RSU1: variants seen among roughly 807,000 people sequenced by gnomAD.
RSU1 encodes Ras suppressor protein 1, also known as rsu-1.
RSU1 carries 26 observed loss-of-function variants against 31.1 expected under a neutral mutation model. The ratio of observed to expected loss-of-function variants is 0.84; its 90% CI spans 0.61 to 1.16. The LOEUF is 1.16. Ranked by LOEUF, RSU1 falls within the 50% of genes most tolerant of loss-of-function variation. The pLI is 0.00. For missense variants in RSU1, 320 were observed against 339.1 expected (o/e 0.94, Z 0.44); for synonymous variants, 164 against 136.3 (o/e 1.20, Z -1.41).
At chr10:16,757,699 G>A (rs1211083588) in intron 4 of RSU1, among the ~76,000 whole-genome samples, 1 of 152,228 alleles carries the variant, frequency 6.6e-6, no homozygotes, top group Admixed American at 6.5e-5. Flanking sequence ...CATGTGTCTG[G>A]AAACACCCCA....
chr10:16,661,298 G>GCA (rs1834886110), intron 8 of RSU1, among the ~76,000 whole-genome samples: 4 of 137,354 alleles, frequency 2.9e-5, no homozygotes, highest in African/African-American at 1.4e-4. Flanking sequence ...GTGTGTGTGT[G>GCA]TGTGTGTGTG....
intron 7 of RSU1, among the ~76,000 whole-genome samples, chr10:16,707,006 C>T (rs1835919277): frequency 6.7e-6 from 1 of 150,000 alleles, no homozygotes; most frequent in African/African-American, 2.5e-5. Flanking sequence ...TGTTATGTGT[C>T]TTTCTGTGTC....
chr10:16,727,252 C>G (rs2131596564), intron 7 of RSU1: 2 of 419,192 alleles, frequency 4.8e-6, no homozygotes, highest in South Asian at 3.4e-5. Context: ...TATAATTTCA[C>G]AGAGGAGATA....
intron 7 of RSU1, among the ~76,000 whole-genome samples, chr10:16,713,732 G>A (rs749238867): frequency 1.1e-4 from 17 of 152,114 alleles, no homozygotes; most frequent in Non-Finnish European, 2.1e-4. Context: ...TCCTTTGCAG[G>A]TATCACATTT....
chr10:16,646,559 C>T (rs945195307), intron 8 of RSU1, among the ~76,000 whole-genome samples: 9 of 152,176 alleles, frequency 5.9e-5, no homozygotes, highest in East Asian at 5.8e-4. Flanking sequence ...CGTAGCTCCC[C>T]GAACACTTTA....
intron 7 of RSU1, among the ~76,000 whole-genome samples, chr10:16,699,585 G>A (rs1012740461): frequency 1.3e-5 from 2 of 152,224 alleles, no homozygotes; most frequent in African/African-American, 2.4e-5. Context: ...GTTGAGTTAG[G>A]AGCCCTCACC....
chr10:16,614,077 G>A (rs1833936704), intron 8 of RSU1, among the ~76,000 whole-genome samples: 3 of 152,142 alleles, frequency 2.0e-5, no homozygotes, highest in Admixed American at 2.0e-4. Flanking sequence ...GTGCTGAGAT[G>A]AGCTATATAA....
chr10:16,773,177 C>G (rs1449491276), intron 3 of RSU1, among the ~76,000 whole-genome samples: 1 of 148,204 alleles, frequency 6.7e-6, no homozygotes, highest in Non-Finnish European at 1.5e-5. Flanking sequence ...CCAACCTGGG[C>G]AACAACTTGA....
chr10:16,594,804 A>AGAT (rs1833584319), intron 8 of RSU1, among the ~76,000 whole-genome samples: 2 of 133,054 alleles, frequency 1.5e-5, no homozygotes, highest in South Asian at 4.6e-4. Flanking sequence ...TTTTTTTTTG[A>AGAT]GATGGAGTCC....
intron 3 of RSU1, among the ~76,000 whole-genome samples, chr10:16,779,106 A>G (rs1157571919): frequency 6.6e-6 from 1 of 152,204 alleles, no homozygotes; most frequent in African/African-American, 2.4e-5. Flanking sequence ...CACATCATGC[A>G]TATATACATA....
At chr10:16,801,341 C>G (rs373599472) in intron 2 of RSU1, among the ~76,000 whole-genome samples, 3 of 152,124 alleles carry the variant, frequency 2.0e-5, no homozygotes, top group East Asian at 1.9e-4. Flanking sequence ...AAGAAAGACA[C>G]AGCAATCCTT....
rs56715139 is a variant in RSU1, at chr10:16,695,157, TGGG to T, written c.599-5_599-3del. On this transcript the variant is annotated splice_polypyrimidine_tract_variant and splice_region_variant and intron_variant, in intron 7 of 8. Transcript: ENST00000345264. ...TCTGGCCAGTTAAATCCAAGTTTCCTGGGGGGGGGGAAAAAAAAAGTGAAGGTC... is the reference window on the plus strand; with the variant it reads ...TCTGGCCAGTTAAATCCAAGTTTCCTGGGGGGGAAAAAAAAAGTGAAGGTC... 12 of 1,204,618 alleles carry T rather than the reference TGGG, an allele frequency of 1.0e-5. No individual in the cohort carries two copies. Among genetic ancestry groups the T allele is most frequent in the African/African-American group, 8.3e-5 (5 of 60,200 alleles). The allele number at this position is 1,204,618 out of a possible 1,614,324, so 74.6% of individuals were successfully genotyped here.
chr10:16,701,818 G>A (rs772219682), intron 7 of RSU1, among the ~76,000 whole-genome samples: 1 of 152,168 alleles, frequency 6.6e-6, no homozygotes, highest in African/African-American at 2.4e-5. Flanking sequence ...TCCAGGTTAA[G>A]AAGGGATAGA....
In RSU1 at chr10:16,591,991, C is replaced by A. The variant is rs1833513673; in HGVS notation, c.*1403G>T. The A allele has an allele frequency of 6.6e-6, 1 of 152,364 alleles. No homozygotes were observed. The highest frequency in any genetic ancestry group is 1.9e-4 in the East Asian group (1 of 5,192). The allele number at this position is 152,364 out of a possible 1,614,324, so 9.4% of individuals were successfully genotyped here. On this transcript the variant is annotated 3_prime_UTR_variant, in exon 9 of 9. Coordinates refer to ENST00000345264, the MANE Select transcript of RSU1 (RefSeq NM_012425.4). ...TTTGTCTAGAAGCCAGAAGTTTAGACCTTGCTCTGTGGCCTCTCTGATTGA... is the reference window on the plus strand; with the variant it reads ...TTTGTCTAGAAGCCAGAAGTTTAGAACTTGCTCTGTGGCCTCTCTGATTGA...
intron 7 of RSU1, among the ~76,000 whole-genome samples, chr10:16,702,507 C>T (rs1319328134): frequency 1.3e-5 from 2 of 152,122 alleles, no homozygotes; most frequent in Non-Finnish European, 2.9e-5. Flanking sequence ...AATTAGAGTG[C>T]CCTAAATGTG....
In RSU1 at chr10:16,726,267, C is replaced by CTT. The variant is rs760586484; in HGVS notation, c.598+26270_598+26271dup. 8.1e-3 allele frequency among the ~76,000 whole-genome samples: 1,113 copies of CTT among 137,032 alleles called. 59 individuals carry two copies. The highest frequency in any genetic ancestry group is 0.031 in the African/African-American group (1,045 of 33,756). 89.9% of individuals were successfully genotyped at this position (137,032 alleles called of 152,430 possible). A position where few individuals can be genotyped will look rare whatever the true frequency, so the allele number is the denominator to read the frequency against. Reference sequence around the variant, plus strand: ...CTTTCTGTCTATCTTAGGAACGTATCTTTTTTTTTTTTTTTTTTTGAGACA... The same window carrying CTT: ...CTTTCTGTCTATCTTAGGAACGTATCTTTTTTTTTTTTTTTTTTTTTGAGACA... On this transcript the variant is annotated intron_variant, in intron 7 of 8. Transcript: ENST00000345264.
chr10:16,710,773 C>T (rs910458682), intron 7 of RSU1, among the ~76,000 whole-genome samples: 1 of 151,878 alleles, frequency 6.6e-6, no homozygotes, highest in African/African-American at 2.4e-5. Context: ...ACCCATCAAC[C>T]CATCATCTAC....
chr10:16,712,549 A>G (rs996327448), intron 7 of RSU1, among the ~76,000 whole-genome samples: 2 of 152,188 alleles, frequency 1.3e-5, no homozygotes, highest in Non-Finnish European at 2.9e-5. Flanking sequence ...TGTAGTTACA[A>G]TAGACTACAT....
At chr10:16,633,247 T>A (rs774306842) in intron 8 of RSU1, among the ~76,000 whole-genome samples, 8 of 152,078 alleles carry the variant, frequency 5.3e-5, no homozygotes, top group Non-Finnish European at 1.0e-4. Context: ...TGGGAGTCAT[T>A]GCTTTAGAGT....
Sources: allele counts gnomAD v4.1 joint callset (sites outside exome capture counted in the v4.1 genomes callset), GRCh38; gene constraint gnomAD v4.1.1; transcripts MANE v1.5; gene names NCBI Gene and HGNC (gene_info 2026-07-23, HGNC 2026-07-21).